The following GRIK1 variants were observed in gnomAD, a reference collection of about 807,000 sequenced individuals.
GRIK1 encodes the protein glutamate ionotropic receptor kainate type subunit 1.
A neutral mutation model predicts 105.7 loss-of-function variants in GRIK1; 69 were observed. The observed-to-expected ratio is 0.65, with a 90% CI of 0.54 to 0.80. The LOEUF is 0.80. GRIK1 is among the 30% of genes least tolerant of loss of function. The probability of loss-of-function intolerance (pLI) is 0.00; values close to 1 mark genes in which losing one functional copy is unlikely to be tolerated. For synonymous variants in GRIK1, 438 were observed against 431.3 expected (o/e 1.02, Z -0.19); for missense variants, 1,109 against 1,167.3 (o/e 0.95, Z 0.73).
At chr21:29,915,848 A>G (rs1334819885) in intron 1 of GRIK1, among the ~76,000 whole-genome samples, 1 of 152,024 alleles carries the variant, frequency 6.6e-6, no homozygotes, top group Non-Finnish European at 1.5e-5. Context: ...GGTTTAATCC[A>G]GATCCCCTCT....
At chr21:29,876,995 A>G (rs560105286) in intron 1 of GRIK1, among the ~76,000 whole-genome samples, 1 of 152,298 alleles carries the variant, frequency 6.6e-6, no homozygotes, top group East Asian at 1.9e-4. Flanking sequence ...CTTAAACACA[A>G]AATGACAGCT....
chr21:29,874,220 A>G (rs2069116022), intron 1 of GRIK1, among the ~76,000 whole-genome samples: 1 of 152,142 alleles, frequency 6.6e-6, no homozygotes, highest in African/African-American at 2.4e-5. Context: ...GTAAACGGGA[A>G]AGCCATTGGA....
intron 1 of GRIK1, among the ~76,000 whole-genome samples, chr21:29,876,466 A>G (rs1013796473): frequency 6.6e-6 from 1 of 152,180 alleles, no homozygotes; most frequent in Non-Finnish European, 1.5e-5. Context: ...TGACGATACC[A>G]GAATCTACCC....
chr21:29,609,697 T>C (rs1277974715), intron 7 of GRIK1, among the ~76,000 whole-genome samples: 1 of 152,152 alleles, frequency 6.6e-6, no homozygotes, highest in Non-Finnish European at 1.5e-5. Flanking sequence ...TCTACTACCC[T>C]CATACTGGGA....
chr21:29,729,724 G>C (rs79961598), intron 1 of GRIK1, among the ~76,000 whole-genome samples: 2,108 of 152,224 alleles, frequency 0.014, 55 homozygotes, highest in African/African-American at 0.048. Flanking sequence ...CCACTTGAAG[G>C]TATTTTTCAT....
rs2146284139 is a variant in GRIK1 at position 29,588,874 on chromosome 21, C to T, written c.1534G>A (p.Glu512Lys). 1 of 1,606,738 alleles carries T rather than the reference C, an allele frequency of 6.2e-7. No homozygotes were observed. Residue 512 changes from glutamate (E) to lysine (K), a missense_variant, in exon 11 of 18, where the codon GAG becomes AAG. Coordinates refer to ENST00000327783, the MANE Select transcript of GRIK1 (RefSeq NM_001330994.2). ...AGTTCTTTAACCATCCCGTTCCACTCCCCTTTGTCATTCTGGGCCCCATAT... is the reference window on the plus strand; with the variant it reads ...AGTTCTTTAACCATCCCGTTCCACTTCCCTTTGTCATTCTGGGCCCCATAT... Reference protein sequence around the residue: ...GKYGAQNDKGEWNGMVKELID... With the variant: ...GKYGAQNDKGKWNGMVKELID...
intron 1 of GRIK1, among the ~76,000 whole-genome samples, chr21:29,855,380 C>A (rs980148551): frequency 1.3e-5 from 2 of 152,210 alleles, no homozygotes; most frequent in African/African-American, 4.8e-5. Context: ...AAAATACCAT[C>A]TTTAAAGAGT....
chr21:29,724,989 C>T (rs932584403), intron 1 of GRIK1, among the ~76,000 whole-genome samples: 29 of 148,086 alleles, frequency 2.0e-4, no homozygotes, highest in Middle Eastern at 3.4e-3. Flanking sequence ...CTACTGAAAC[C>T]TTGGTCCCTT....
intron 1 of GRIK1, chr21:29,763,611 G>A (rs1340590997): frequency 6.6e-6 from 1 of 152,360 alleles, no homozygotes; most frequent in Non-Finnish European, 1.5e-5. Flanking sequence ...TGACTCTGAT[G>A]ATAGAACAAG....
chr21:29,899,388 G>T (rs2146254192), intron 1 of GRIK1, among the ~76,000 whole-genome samples: 1 of 152,272 alleles, frequency 6.6e-6, no homozygotes, highest in East Asian at 1.9e-4. Context: ...GCCTATGCAG[G>T]TTTGTCTGAC....
At chr21:29,689,545 A>G (rs363511) in intron 3 of GRIK1, among the ~76,000 whole-genome samples, 183 bp downstream of exon 3, 31,109 of 152,180 alleles carry the variant, frequency 0.2, 6,254 homozygotes, top group African/African-American at 0.5. Flanking sequence ...GAAAGGATCA[A>G]CAAACAAAAA....
chr21:29,867,991 GA>G (rs1173421191), intron 1 of GRIK1, among the ~76,000 whole-genome samples: 1 of 142,766 alleles, frequency 7.0e-6, no homozygotes, highest in Non-Finnish European at 1.5e-5. Context: ...AAAGAGGAGA[GA>G]AGGAGAGAAA....
intron 16 of GRIK1, 37 bp from the exon 17 acceptor site, chr21:29,537,921 T>G (rs1288656709): frequency 2.0e-6 from 2 of 976,178 alleles, no homozygotes; most frequent in Non-Finnish European, 1.6e-6. Flanking sequence ...AATTTTAAAT[T>G]GTACATTTTC....
rs35003722 is a variant in GRIK1, at chr21:29,619,123, C to CA, written c.1099-20187dup. ...CCTGGGCAACAGAGCGAGACTCCGT[C>CA]AAAAAAAAAAAAAAAAAAAAGAATG... is the stretch of plus-strand genomic sequence containing the variant. On this transcript the variant is annotated intron_variant, in intron 7 of 17. Coordinates refer to ENST00000327783, the MANE Select transcript of GRIK1 (RefSeq NM_001330994.2). 6.0e-3 allele frequency among the ~76,000 whole-genome samples: 491 copies of CA among 81,638 alleles called. 2 individuals are homozygous for CA. The highest frequency in any genetic ancestry group is 0.015 in the South Asian group (34 of 2,302). The allele number at this position is 81,638 out of a possible 152,430, so 53.6% of individuals were successfully genotyped here.
chr21:29,674,258 GCTAT>G (rs1484916556), intron 3 of GRIK1, among the ~76,000 whole-genome samples: 3,415 of 143,764 alleles, frequency 0.024, 118 homozygotes, highest in African/African-American at 0.088. Flanking sequence ...TATTTATGTA[GCTAT>G]TTTTTTTTTT....
chr21:29,661,541 G>A (rs1302276370), intron 4 of GRIK1, among the ~76,000 whole-genome samples: 2 of 152,202 alleles, frequency 1.3e-5, no homozygotes, highest in Non-Finnish European at 2.9e-5. Flanking sequence ...CGGCCTCTGT[G>A]AGTAAGAAAA....
intron 6 of GRIK1, among the ~76,000 whole-genome samples, chr21:29,645,330 A>G (rs1204497061): frequency 6.6e-6 from 1 of 152,212 alleles, no homozygotes; most frequent in African/African-American, 2.4e-5. Flanking sequence ...AGTGACTTGG[A>G]CTGTTTCTTA....
intron 1 of GRIK1, among the ~76,000 whole-genome samples, chr21:29,939,004 A>G (rs1468243097): frequency 6.6e-6 from 1 of 152,034 alleles, no homozygotes; most frequent in Non-Finnish European, 1.5e-5. Flanking sequence ...GCGGATCTGG[A>G]CTGCCAGACG....
intron 1 of GRIK1, among the ~76,000 whole-genome samples, chr21:29,881,911 C>T (rs1320772362): frequency 6.6e-6 from 1 of 152,062 alleles, no homozygotes; most frequent in Non-Finnish European, 1.5e-5. Flanking sequence ...TCCATTTTCT[C>T]CCAACAACCA....
Sources: gnomAD v4.1 joint callset for allele counts (sites outside exome capture counted in the v4.1 genomes callset) on GRCh38, gnomAD v4.1.1 for gene constraint, MANE v1.5 for transcripts, NCBI Gene and HGNC (gene_info 2026-07-23, HGNC 2026-07-21) for gene names.